ZNF410: variants seen among roughly 807,000 people sequenced by gnomAD.
ZNF410 encodes the protein another partner for ARF 1.
ZNF410 carries 18 observed loss-of-function variants against 54.8 expected under a neutral mutation model. The observed-to-expected ratio is 0.33, with a 90% confidence interval of 0.23 to 0.49. The LOEUF (loss-of-function observed/expected upper bound fraction) is 0.49, where lower values mean the gene tolerates loss of function less well. Ranked by LOEUF, ZNF410 falls within the 20% of genes least tolerant of loss-of-function variation. The pLI, the probability that ZNF410 is intolerant of heterozygous loss-of-function variation, is 0.99. For missense variants in ZNF410, 405 were observed against 569.6 expected (o/e 0.71, Z 2.94); for synonymous variants, 191 against 207.3 (o/e 0.92, Z 0.68).
At chr14:73,902,551 T>G (rs2055424389) in intron 5 of ZNF410, among the ~76,000 whole-genome samples, 3 of 152,160 alleles carry the variant, frequency 2.0e-5, no homozygotes, top group Non-Finnish European at 4.4e-5. Flanking sequence ...AGAAACTGCC[T>G]TTGATTAACC....
chr14:73,918,782 T>C (rs1453368634), intron 8 of ZNF410, among the ~76,000 whole-genome samples: 1 of 142,712 alleles, frequency 7.0e-6, no homozygotes, highest in Non-Finnish European at 1.5e-5. Context: ...CACTGCAAGC[T>C]CTGCCTCCTC....
intron 8 of ZNF410, among the ~76,000 whole-genome samples, chr14:73,912,589 C>T (rs141376947): frequency 8.3e-4 from 127 of 152,314 alleles, no homozygotes; most frequent in Non-Finnish European, 1.6e-3. Flanking sequence ...TTCTTCTGTA[C>T]TGTGCGACTC....
At chr14:73,918,139 C>T (rs1351761311) in intron 8 of ZNF410, among the ~76,000 whole-genome samples, 3 of 152,046 alleles carry the variant, frequency 2.0e-5, no homozygotes, top group South Asian at 2.1e-4. Flanking sequence ...GATGGAGTCT[C>T]GCTCTGTTGC....
At chr14:73,892,385 T>G (rs2055243979) in intron 2 of ZNF410, among the ~76,000 whole-genome samples, 177 bp downstream of exon 2, 2 of 151,974 alleles carry the variant, frequency 1.3e-5, no homozygotes, top group Admixed American at 1.3e-4. Flanking sequence ...AATTATATTT[T>G]TTGTGATTGT....
intron 11 of ZNF410, 122 bp from the exon 12 acceptor site, chr14:73,931,381 A>G: frequency 2.6e-6 from 2 of 778,818 alleles, no homozygotes; most frequent in Non-Finnish European, 4.2e-6. Flanking sequence ...TTGGAAGTAG[A>G]TAGCCTTCAT....
In ZNF410 at chr14:73,892,943, G is replaced by C. The variant is rs530678037; in HGVS notation, c.33+735G>C. 5.3e-5 allele frequency among the ~76,000 whole-genome samples: 8 copies of C among 152,182 alleles called. No individual in the cohort carries two copies. The East Asian group carries it at 9.7e-4, about 18-fold the overall frequency. ...AAAATACAAAAAAAATTAGCTGGGC[G>C]TGGTGGCGGGCACCTGTAGTCCCAG... On this transcript the variant is annotated intron_variant, in intron 2 of 11. Coordinates refer to ENST00000555044, the MANE Select transcript of ZNF410 (RefSeq NM_021188.3).
At chr14:73,922,370 TA>T (rs201428683) in intron 10 of ZNF410, 164 bp downstream of exon 10, 114 of 671,980 alleles carry the variant, frequency 1.7e-4, no homozygotes, top group East Asian at 4.7e-4. Flanking sequence ...TCAATCTGTT[TA>T]AAAAAAAATT....
chr14:73,926,865 T>TA (rs1399002893), intron 11 of ZNF410, among the ~76,000 whole-genome samples: 1 of 152,194 alleles, frequency 6.6e-6, no homozygotes, highest in Non-Finnish European at 1.5e-5. Flanking sequence ...GAGGTTTGAT[T>TA]AGATTCAATT....
chr14:73,901,799 G>A (rs1285108157), intron 5 of ZNF410, among the ~76,000 whole-genome samples: 1 of 151,240 alleles, frequency 6.6e-6, no homozygotes, highest in Admixed American at 6.6e-5. Context: ...GTGTGGTAGT[G>A]CACACCTGTC....
intron 9 of ZNF410, chr14:73,921,366 T>C (rs887486546): frequency 6.0e-6 from 2 of 333,468 alleles, no homozygotes; most frequent in African/African-American, 4.3e-5. Context: ...TGCAAGATCC[T>C]AGAATCTGTA....
At chr14:73,889,797 T>G (rs1157009346) in intron 1 of ZNF410, among the ~76,000 whole-genome samples, 1 of 90,018 alleles carries the variant, frequency 1.1e-5, no homozygotes, top group Non-Finnish European at 2.7e-5. Context: ...AATGGTTAGT[T>G]TTTTTTTTTT....
intron 8 of ZNF410, among the ~76,000 whole-genome samples, chr14:73,917,455 T>C (rs2055684675): frequency 6.6e-6 from 1 of 152,170 alleles, no homozygotes; most frequent in South Asian, 2.1e-4. Flanking sequence ...CAGTGGTTCT[T>C]TTTGCATATA....
intron 5 of ZNF410, among the ~76,000 whole-genome samples, chr14:73,901,542 T>C (rs1011276166): frequency 6.6e-6 from 1 of 152,076 alleles, no homozygotes; most frequent in Non-Finnish European, 1.5e-5. Flanking sequence ...TATGTATTCA[T>C]TTTTCCTATT....
intron 11 of ZNF410, among the ~76,000 whole-genome samples, chr14:73,930,963 G>A (rs539666575): frequency 2.0e-5 from 3 of 152,288 alleles, no homozygotes; most frequent in South Asian, 2.1e-4. Context: ...TTTGAATAGA[G>A]CCTTGTGTAT....
At chr14:73,903,809 G>A in intron 5 of ZNF410, 151 bp from the exon 6 acceptor site, 4 of 1,093,514 alleles carry the variant, frequency 3.7e-6, no homozygotes, top group Non-Finnish European at 3.9e-6. Flanking sequence ...CCAAGTTTCT[G>A]CTGTTAAGTG....
chr14:73,893,599 G>A (rs1211870348), intron 2 of ZNF410, 198 bp from the exon 3 acceptor site: 6 of 523,102 alleles, frequency 1.1e-5, no homozygotes, highest in South Asian at 4.9e-5. Flanking sequence ...TCGTTTTGCA[G>A]CACATGACTT....
chr14:73,913,854 G>C (rs34640876), intron 8 of ZNF410: 17,189 of 152,202 alleles, frequency 0.11, 1,267 homozygotes, highest in Admixed American at 0.19. Context: ...GCCTCAAGTG[G>C]TATTCCCACC....
At chr14:73,894,239 A>C (rs1351524341) in intron 3 of ZNF410, 2 of 673,866 alleles carry the variant, frequency 3.0e-6, no homozygotes, top group African/African-American at 1.8e-5. Flanking sequence ...AAAGACTAAA[A>C]TAGTTGGATG....
At chr14:73,900,590 G>A (rs138721343) in intron 5 of ZNF410, among the ~76,000 whole-genome samples, 50 of 152,106 alleles carry the variant, frequency 3.3e-4, no homozygotes, top group African/African-American at 1.2e-3. Context: ...GCCATGGCTG[G>A]TCTCAAACTC....
Sources: gnomAD v4.1 joint callset for allele counts (sites outside exome capture counted in the v4.1 genomes callset) on GRCh38, gnomAD v4.1.1 for gene constraint, MANE v1.5 for transcripts, NCBI Gene and HGNC (gene_info 2026-07-23, HGNC 2026-07-21) for gene names.